The following KIAA0825 variants were observed in gnomAD, a reference collection of about 807,000 sequenced individuals.
KIAA0825 encodes KIAA0825, also known as uncharacterized protein KIAA0825.
In KIAA0825, 119 loss-of-function variants were observed where a neutral mutation model predicts 147.6. The observed-to-expected ratio is 0.81, with a 90% CI of 0.69 to 0.94. The LOEUF (loss-of-function observed/expected upper bound fraction) is 0.94. Among genes scored for constraint, KIAA0825 ranks in the 40% least tolerant of loss-of-function variants. The pLI is 0.00. For synonymous variants in KIAA0825, 470 were observed against 518.1 expected (o/e 0.91, Z 1.26); for missense variants, 1,381 against 1,472.7 (o/e 0.94, Z 1.02).
Position 94,247,508 on chromosome 5 carries a change from TAGATGTCAGGA to T in KIAA0825, c.3711-93395_3711-93385del, listed in dbSNP as rs767182803. The stretch of plus-strand genomic sequence containing the variant: ...CCTTAAAATAGGTTTAATTTCAGCT[TAGATGTCAGGA>T]AGATGTCAGGAAACCTTTCCTGACT... On this transcript the variant is annotated intron_variant, in intron 20 of 20. Transcript: ENST00000682413. Among the ~76,000 whole-genome samples, 4 of 152,148 alleles carry T rather than the reference TAGATGTCAGGA, an allele frequency of 2.6e-5. No individual in the cohort carries two copies. The East Asian group carries it at 7.7e-4, about 29-fold the overall frequency.
At chr5:94,299,766 A>G (rs1046466672) in intron 20 of KIAA0825, among the ~76,000 whole-genome samples, 1 of 152,176 alleles carries the variant, frequency 6.6e-6, no homozygotes, top group Non-Finnish European at 1.5e-5. Context: ...TTTTTGAAAT[A>G]TGTTAGAGCA....
intron 9 of KIAA0825, among the ~76,000 whole-genome samples, chr5:94,470,943 A>G (rs1270399035): frequency 6.6e-6 from 1 of 152,218 alleles, no homozygotes; most frequent in African/African-American, 2.4e-5. Context: ...CACAGAAAAC[A>G]TACTGCAGTT....
chr5:94,491,265 T>C (rs1391572768), intron 5 of KIAA0825, among the ~76,000 whole-genome samples: 3 of 152,284 alleles, frequency 2.0e-5, no homozygotes, highest in Admixed American at 1.3e-4. Flanking sequence ...AGTCTTATTA[T>C]TCCAGGTGAA....
intron 1 of KIAA0825, chr5:94,594,437 A>G (rs1311066701): frequency 8.2e-6 from 6 of 734,908 alleles, no homozygotes; most frequent in Admixed American, 3.5e-5. Context: ...ATTACCATAC[A>G]GTAGATTTTG....
chr5:94,317,110 C>T (rs1779727051), intron 20 of KIAA0825, among the ~76,000 whole-genome samples: 1 of 151,768 alleles, frequency 6.6e-6, no homozygotes, highest in Admixed American at 6.6e-5. Context: ...ATAGTCACAA[C>T]CCTCAAGTGG....
intron 20 of KIAA0825, among the ~76,000 whole-genome samples, chr5:94,269,855 C>T (rs1178305539): frequency 6.6e-6 from 1 of 151,798 alleles, no homozygotes; most frequent in East Asian, 1.9e-4. Context: ...AAAAGATCAA[C>T]AAAAACTTGC....
intron 20 of KIAA0825, among the ~76,000 whole-genome samples, chr5:94,155,394 T>A (rs1168561406): frequency 6.6e-6 from 1 of 151,616 alleles, no homozygotes; most frequent in African/African-American, 2.4e-5. Context: ...ATTTTTTTAA[T>A]TTTTTGTAGA....
At chr5:94,484,607 T>A (rs1762834491) in intron 6 of KIAA0825, among the ~76,000 whole-genome samples, 162 bp downstream of exon 6, 1 of 151,756 alleles carries the variant, frequency 6.6e-6, no homozygotes, top group Non-Finnish European at 1.5e-5. Flanking sequence ...TAAAAATGTG[T>A]GCATTTTTAT....
chr5:94,565,812 TAGGTATAC>T (rs1778604452), intron 2 of KIAA0825, among the ~76,000 whole-genome samples: 1 of 152,222 alleles, frequency 6.6e-6, no homozygotes, highest in African/African-American at 2.4e-5. Flanking sequence ...TTTTATGACA[TAGGTATAC>T]AGTGTGGAAA....
At chr5:94,363,366 T>C (rs1745346207) in intron 20 of KIAA0825, among the ~76,000 whole-genome samples, 1 of 152,180 alleles carries the variant, frequency 6.6e-6, no homozygotes, top group African/African-American at 2.4e-5. Flanking sequence ...CTCTGTTATG[T>C]TTCTAAATCA....
chr5:94,384,737 C>T (rs1409465188), intron 19 of KIAA0825, among the ~76,000 whole-genome samples: 14 of 152,064 alleles, frequency 9.2e-5, no homozygotes, highest in Non-Finnish European at 1.0e-4. Flanking sequence ...GGCATTTGCC[C>T]AGCAAGTTTC....
At chr5:94,457,033 G>T (rs1334336826) in intron 12 of KIAA0825, among the ~76,000 whole-genome samples, 1 of 152,186 alleles carries the variant, frequency 6.6e-6, no homozygotes, top group Non-Finnish European at 1.5e-5. Flanking sequence ...CAGTTTCTCA[G>T]TCATACTGGT....
chr5:94,319,156 A>G (rs930638807), intron 20 of KIAA0825, among the ~76,000 whole-genome samples: 4 of 151,824 alleles, frequency 2.6e-5, no homozygotes, highest in South Asian at 2.1e-4. Flanking sequence ...AAGTGACTCA[A>G]AGGAGACAAA....
intron 20 of KIAA0825, among the ~76,000 whole-genome samples, chr5:94,315,756 G>C (rs1779598787): frequency 6.6e-6 from 1 of 151,626 alleles, no homozygotes; most frequent in East Asian, 1.9e-4. Context: ...GAAAATTACT[G>C]TACAGTTTGA....
intron 8 of KIAA0825, among the ~76,000 whole-genome samples, chr5:94,472,735 C>A (rs1369256241): frequency 6.6e-6 from 1 of 151,964 alleles, no homozygotes; most frequent in Admixed American, 6.6e-5. Context: ...CAGAGTGAGG[C>A]CCCCGTCTCA....
At chr5:94,227,559 AAAAT>A (rs1774310682) in intron 20 of KIAA0825, among the ~76,000 whole-genome samples, 3 of 151,952 alleles carry the variant, frequency 2.0e-5, no homozygotes, top group African/African-American at 7.3e-5. Context: ...ATAATAAAAT[AAAAT>A]AAAAAAGAAA....
Position 94,386,346 on chromosome 5 carries a change from A to G in KIAA0825, c.3515T>C (p.Ile1172Thr). The change falls in exon 19 of 21, where the codon ATC (isoleucine) becomes ACC (threonine). Residue 1172 changes from isoleucine to threonine, a missense_variant. By Grantham distance (89) the Ile-to-Thr change is moderately conservative (BLOSUM62 -1). Coordinates refer to ENST00000682413, the MANE Select transcript of KIAA0825 (RefSeq NM_001145678.3). ...MNSSEEKPLP[I>T]RPLKTTLRSI... is the part of the protein sequence containing the mutation. ...CCTCAAGGTCGTCTTTAAAGGTCGGATGGGTAATGGCTTTTCCTCTGAACT... is the reference window on the plus strand; with the variant it reads ...CCTCAAGGTCGTCTTTAAAGGTCGGGTGGGTAATGGCTTTTCCTCTGAACT... 2 of 1,551,706 alleles carry G rather than the reference A, an allele frequency of 1.3e-6. No homozygotes were observed. The highest frequency in any genetic ancestry group is 1.7e-6 in the Non-Finnish European group (2 of 1,146,838).
chr5:94,306,563 G>T (rs1778750036), intron 20 of KIAA0825, among the ~76,000 whole-genome samples: 1 of 151,670 alleles, frequency 6.6e-6, no homozygotes, highest in African/African-American at 2.4e-5. Context: ...TGACCAGATA[G>T]GTAGGATGAC....
At chr5:94,445,712 GA>G (rs1757642857) in intron 13 of KIAA0825, among the ~76,000 whole-genome samples, 1 of 152,116 alleles carries the variant, frequency 6.6e-6, no homozygotes, top group African/African-American at 2.4e-5. Flanking sequence ...AGCCATGATA[GA>G]AAAGACATAA....
Sources: gnomAD v4.1 joint callset for allele counts (sites outside exome capture counted in the v4.1 genomes callset) on GRCh38, gnomAD v4.1.1 for gene constraint, MANE v1.5 for transcripts, NCBI Gene and HGNC (gene_info 2026-07-23, HGNC 2026-07-21) for gene names.